GOLM2: variants seen among roughly 807,000 people sequenced by gnomAD.
The protein encoded by GOLM2 is golgi membrane protein 2, also known as protein GOLM2.
GOLM2 carries 26 observed loss-of-function variants against 55.9 expected under a neutral mutation model. The ratio of observed to expected loss-of-function variants is 0.47; its 90% CI spans 0.34 to 0.65. The LOEUF is 0.65. GOLM2 is among the 30% of genes least tolerant of loss of function. GOLM2 has a pLI of 0.01. For missense variants in GOLM2, 486 were observed against 531.8 expected, an observed-to-expected ratio of 0.91 and a Z score of 0.85; for synonymous variants, 165 against 194.6, an observed-to-expected ratio of 0.85 and a Z score of 1.27.
chr15:44,357,973 C>T (rs757525195), intron 6 of GOLM2, among the ~76,000 whole-genome samples: 1 of 152,120 alleles, frequency 6.6e-6, no homozygotes, highest in Non-Finnish European at 1.5e-5. Context: ...GTCAGTTCCT[C>T]GGAGTATGAT....
At chr15:44,403,640 T>A (rs1170240366) in intron 9 of GOLM2, among the ~76,000 whole-genome samples, 5 of 152,196 alleles carry the variant, frequency 3.3e-5, no homozygotes, top group Non-Finnish European at 7.3e-5. Flanking sequence ...AATTTTAGAA[T>A]TAAATTGTTT....
intron 1 of GOLM2, among the ~76,000 whole-genome samples, chr15:44,301,991 CA>C (rs375743124): frequency 7.6e-5 from 11 of 144,266 alleles, no homozygotes; most frequent in South Asian, 4.4e-4. Flanking sequence ...GATCCTATCT[CA>C]AAAAAAAAAG....
intron 8 of GOLM2, among the ~76,000 whole-genome samples, chr15:44,397,478 C>CAAAAAAAAA (rs1007948393): frequency 1.8e-4 from 6 of 32,544 alleles, no homozygotes; most frequent in Non-Finnish European, 2.8e-4. Context: ...GACTCCGTCT[C>CAAAAAAAAA]AAAAAAAAAA....
intron 1 of GOLM2, among the ~76,000 whole-genome samples, chr15:44,300,178 GGGAGGGAAGGAA>G (rs920632228): frequency 1.3e-5 from 2 of 149,540 alleles, no homozygotes; most frequent in African/African-American, 2.5e-5. Flanking sequence ...AAGGAAGGAA[GGGAGGGAAGGAA>G]GGAGGGAAGG....
intron 8 of GOLM2, among the ~76,000 whole-genome samples, chr15:44,387,738 G>T (rs1372694036): frequency 1.3e-5 from 2 of 151,472 alleles, no homozygotes; most frequent in Non-Finnish European, 2.9e-5. Context: ...TCCAGCCTGG[G>T]TGACAGAATG....
chr15:44,404,198 A>G (rs2079583524), intron 9 of GOLM2, among the ~76,000 whole-genome samples: 1 of 152,194 alleles, frequency 6.6e-6, no homozygotes, highest in East Asian at 1.9e-4. Flanking sequence ...TTTTCATCAT[A>G]ACATGCTTTG....
At chr15:44,318,821 T>A (rs1198363701) in intron 1 of GOLM2, among the ~76,000 whole-genome samples, 1 of 152,194 alleles carries the variant, frequency 6.6e-6, no homozygotes, top group African/African-American at 2.4e-5. Flanking sequence ...CCCTTCATAA[T>A]TGTGAACCTT....
intron 6 of GOLM2, among the ~76,000 whole-genome samples, chr15:44,345,226 C>T (rs916786814): frequency 3.3e-5 from 5 of 152,024 alleles, no homozygotes; most frequent in African/African-American, 1.2e-4. Flanking sequence ...TCTCCTGCCT[C>T]AGCCTCCTGA....
chr15:44,359,901 C>T (rs2079225228), intron 6 of GOLM2, among the ~76,000 whole-genome samples: 1 of 152,158 alleles, frequency 6.6e-6, no homozygotes, highest in South Asian at 2.1e-4. Context: ...CAATATTCAA[C>T]ATTCTTAAAG....
Position 44,342,282 on chromosome 15 carries a change from T to G in GOLM2, c.802+3965T>G, listed in dbSNP as rs148220107. 7.3e-3 allele frequency among the ~76,000 whole-genome samples: 1,112 copies of G among 152,230 alleles called. 11 individuals carry two copies. Among genetic ancestry groups the G allele is most frequent in the African/African-American group, 0.026 (1,064 of 41,508 alleles). ...TTTATTTTTATTTATTTATATTTTT[T>G]GGGACAGGGTCTTGCTCTGTCACCT... is the stretch of plus-strand genomic sequence containing the variant. On this transcript the variant is annotated intron_variant, in intron 6 of 9. Coordinates refer to ENST00000299957, the MANE Select transcript of GOLM2 (RefSeq NM_138423.4).
intron 9 of GOLM2, among the ~76,000 whole-genome samples, chr15:44,403,320 G>A (rs889123483): frequency 5.3e-5 from 8 of 152,090 alleles, no homozygotes; most frequent in Admixed American, 3.9e-4. Flanking sequence ...GCACCACCAC[G>A]CCTGGCTAAT....
intron 4 of GOLM2, among the ~76,000 whole-genome samples, chr15:44,335,719 A>G (rs983905177): frequency 1.3e-5 from 2 of 152,088 alleles, no homozygotes; most frequent in African/African-American, 4.8e-5. Flanking sequence ...TAGCTTACCA[A>G]CTTACAGGAA....
chr15:44,371,722 T>C (rs998464247), intron 6 of GOLM2, among the ~76,000 whole-genome samples: 1 of 152,210 alleles, frequency 6.6e-6, no homozygotes, highest in South Asian at 2.1e-4. Context: ...TAAGTAAATA[T>C]TCATCAGGAC....
intron 6 of GOLM2, among the ~76,000 whole-genome samples, chr15:44,369,070 TATATATA>T (rs2079307729): frequency 4.7e-4 from 8 of 16,974 alleles, no homozygotes; most frequent in African/African-American, 2.7e-3. Context: ...GGATATATTA[TATATATA>T]TATATATATA....
At chr15:44,337,625 G>A in intron 4 of GOLM2, 138 bp from the exon 5 acceptor site, 1 of 583,598 alleles carries the variant, frequency 1.7e-6, no homozygotes, top group Non-Finnish European at 2.9e-6. Context: ...AATGTATCCT[G>A]CATCTCCAAT....
At chr15:44,318,661 A>G (rs1014129876) in intron 1 of GOLM2, among the ~76,000 whole-genome samples, 22 of 150,530 alleles carry the variant, frequency 1.5e-4, no homozygotes, top group African/African-American at 5.1e-4. Flanking sequence ...GCGAGCAGAG[A>G]TTGGGTCGCT....
At chr15:44,345,787 T>G (rs1336094854) in intron 6 of GOLM2, 1 of 152,172 alleles carries the variant, frequency 6.6e-6, no homozygotes, top group Non-Finnish European at 1.5e-5. Context: ...AATTGAAAGT[T>G]ATTTTCCTAA....
chr15:44,303,410 G>A lies in GOLM2; in HGVS notation c.327+14054G>A, dbSNP rs572785524. Among the ~76,000 whole-genome samples the A allele has an allele frequency of 6.6e-5, 10 of 152,146 alleles. 1 individual carries two copies. The highest frequency in any genetic ancestry group is 1.9e-4 in the African/African-American group (8 of 41,516). On this transcript the variant is annotated intron_variant, in intron 1 of 9. Coordinates refer to ENST00000299957, the MANE Select transcript of GOLM2 (RefSeq NM_138423.4). ...ATAGAATATATCTTTTATTTGAAACGTGTTATAGTAGATCTAGAATAATAT... is the reference window on the plus strand; with the variant it reads ...ATAGAATATATCTTTTATTTGAAACATGTTATAGTAGATCTAGAATAATAT...
chr15:44,399,921 G>T (rs904390895), intron 8 of GOLM2, among the ~76,000 whole-genome samples: 1 of 151,796 alleles, frequency 6.6e-6, no homozygotes, highest in African/African-American at 2.4e-5. Flanking sequence ...CTTGAACCCA[G>T]GAGGTGGAGG....
Sources: gnomAD v4.1 joint callset for allele counts (sites outside exome capture counted in the v4.1 genomes callset) on GRCh38, gnomAD v4.1.1 for gene constraint, MANE v1.5 for transcripts, NCBI Gene and HGNC (gene_info 2026-07-23, HGNC 2026-07-21) for gene names.